ADH1C: variants seen among roughly 807,000 people sequenced by gnomAD.
ADH1C encodes the protein alcohol dehydrogenase 1C (class I), gamma polypeptide.
A neutral mutation model predicts 35.0 loss-of-function variants in ADH1C; 26 were observed. The observed-to-expected ratio is 0.74, with a 90% CI of 0.54 to 1.03. The LOEUF is 1.03. ADH1C is among the 50% of genes least tolerant of loss of function. The pLI is 0.00. For synonymous variants in ADH1C, 170 were observed against 169.3 expected, an observed-to-expected ratio of 1.00 and a Z score of -0.03; for missense variants, 413 against 465.4, an observed-to-expected ratio of 0.89 and a Z score of 1.04.
At chr4:99,350,616 C>T (rs1465712311) in intron 1 of ADH1C, among the ~76,000 whole-genome samples, 1 of 152,148 alleles carries the variant, frequency 6.6e-6, no homozygotes, top group Admixed American at 6.5e-5. Flanking sequence ...GTACATATAC[C>T]ACATTCTCTT....
rs574903402 is a variant in ADH1C at position 99,346,862 on chromosome 4, G to A, written c.259+144C>T. ...CATGCTTGAGTCAGGCAAGCAGAGA[G>A]GGAAGGAGGAAACCCCTGAAGTCCC... On this transcript the variant is annotated intron_variant, in intron 3 of 8. Coordinates refer to ENST00000515683, the MANE Select transcript of ADH1C (RefSeq NM_000669.5). The A allele has an allele frequency of 4.9e-5, 66 of 1,355,554 alleles. 3 individuals are homozygous for A. In the South Asian group the frequency reaches 9.2e-4, roughly 19 times the overall value. 84.0% of individuals were successfully genotyped at this position (1,355,554 alleles called of 1,614,324 possible).
At chr4:99,348,256 C>T (rs993935008) in intron 1 of ADH1C, among the ~76,000 whole-genome samples, 2 of 146,414 alleles carry the variant, frequency 1.4e-5, no homozygotes, top group African/African-American at 5.0e-5. Context: ...AGGTATATCT[C>T]CCAATGCTAT....
In ADH1C at chr4:99,341,702, CAGT is replaced by C. The variant is rs1302229626; in HGVS notation, c.829-995_829-993del. Among the ~76,000 whole-genome samples the C allele has an allele frequency of 2.0e-5, 3 of 152,182 alleles. No homozygotes were observed. In the East Asian group the frequency reaches 5.8e-4, roughly 29 times the overall value. ...ACTTTTTTGTTTCTGGAGACTTTTT[CAGT>C]AGGAGTCTAGATAATTCTGGATAGG... On this transcript the variant is annotated intron_variant, in intron 6 of 8. Coordinates refer to ENST00000515683, the MANE Select transcript of ADH1C (RefSeq NM_000669.5).
chr4:99,339,639 TA>T lies in ADH1C; in HGVS notation c.1040del (p.Ile347LysfsTer10). 6.2e-7 allele frequency: 1 copy of T among 1,612,036 alleles called. No homozygotes were observed. The highest frequency in any genetic ancestry group is 8.5e-7 in the Non-Finnish European group (1 of 1,178,876). ...TTTTTTCAAAAGGTAAAATATTTGT[TA>T]TTAATGCATCCAGTGAAAACTTCTT... ...MAKKFSLDAL[I>X]TNILPFEKIN... On this transcript the variant is annotated frameshift_variant, in exon 8 of 9. Transcript: ENST00000515683. LOFTEE classifies it high-confidence loss of function.
At chr4:99,351,378 C>T (rs917898389) in intron 1 of ADH1C, among the ~76,000 whole-genome samples, 38 of 151,950 alleles carry the variant, frequency 2.5e-4, no homozygotes, top group African/African-American at 8.5e-4. Context: ...AAATGCAGGA[C>T]GGGTAAACAT....
At chr4:99,339,772 G>T in intron 7 of ADH1C, 57 bp from the exon 8 acceptor site, 1 of 1,518,600 alleles carries the variant, frequency 6.6e-7, no homozygotes, top group South Asian at 1.2e-5. Flanking sequence ...GAGAATTGAA[G>T]AGAAGATTTT....
At chr4:99,349,061 C>T (rs1468193126) in intron 1 of ADH1C, among the ~76,000 whole-genome samples, 4 of 141,582 alleles carry the variant, frequency 2.8e-5, no homozygotes, top group Admixed American at 7.2e-5. Context: ...CGAAAATTTT[C>T]TCCCATTTTG....
chr4:99,339,518 C>T lies in ADH1C; in HGVS notation c.1103+59G>A, dbSNP rs1360432037. 15 of 1,074,116 alleles carry T rather than the reference C, an allele frequency of 1.4e-5. 1 individual carries two copies. The highest frequency in any genetic ancestry group is 3.3e-5 in the African/African-American group (2 of 60,296). The allele number at this position is 1,074,116 out of a possible 1,614,324, so 66.5% of individuals were successfully genotyped here. A position where few individuals can be genotyped will look rare whatever the true frequency, so the allele number is the denominator to read the frequency against. ...TCATTCTCTGCTAGACAACGCCCCC[C>T]CCCCCCCCGCCGCTACTGTAGAATA... On this transcript the variant is annotated intron_variant, in intron 8 of 8. Transcript: ENST00000515683.
At chr4:99,346,216 A>G (rs2110660100) in intron 3 of ADH1C, among the ~76,000 whole-genome samples, 1 of 152,330 alleles carries the variant, frequency 6.6e-6, no homozygotes, top group Middle Eastern at 3.4e-3. Context: ...TGATTGGTGC[A>G]TAACATTTTA....
Position 99,339,692 on chromosome 4 carries a change from G to T in ADH1C, c.988C>A (p.Pro330Thr). Residue 330 changes from proline (P) to threonine (T), a missense_variant, in exon 8 of 9, where the codon CCC becomes ACC. Transcript: ENST00000515683. ...GCCATAAAGTCAGCCACAAGTTTGG[G>T]GACAGATTCTTTACTCTTAAAGCCT... ...FGGFKSKESV[P>T]KLVADFMAKK... 6.2e-7 allele frequency: 1 copy of T among 1,610,940 alleles called. No homozygotes were observed. The highest frequency in any genetic ancestry group is 8.5e-7 in the Non-Finnish European group (1 of 1,178,772).
chr4:99,336,565 T>G lies in ADH1C; in HGVS notation c.*187A>C, dbSNP rs918884961. On this transcript the variant is annotated 3_prime_UTR_variant, in exon 9 of 9. Coordinates refer to ENST00000515683, the MANE Select transcript of ADH1C (RefSeq NM_000669.5). ...GTTCAACACTTTATTTAGTTCTCATTTGGATTTTAAACATTTGCTTGACAA... is the reference window on the plus strand; with the variant it reads ...GTTCAACACTTTATTTAGTTCTCATGTGGATTTTAAACATTTGCTTGACAA... 1.1e-5 allele frequency: 8 copies of G among 748,840 alleles called. No individual in the cohort carries two copies. The highest frequency in any genetic ancestry group is 1.8e-5 in the African/African-American group (1 of 56,140). The allele number at this position is 748,840 out of a possible 1,614,324, so 46.4% of individuals were successfully genotyped here.
chr4:99,351,719 C>T (rs1461693225), intron 1 of ADH1C, among the ~76,000 whole-genome samples: 33 of 152,158 alleles, frequency 2.2e-4, no homozygotes, highest in Non-Finnish European at 4.4e-5. Context: ...AGGTAAGCCT[C>T]AGAACCTTTA....
At chr4:99,349,267 C>G (rs947033655) in intron 1 of ADH1C, among the ~76,000 whole-genome samples, 9 of 149,276 alleles carry the variant, frequency 6.0e-5, no homozygotes, top group Non-Finnish European at 1.3e-4. Flanking sequence ...TTAGGTCTAA[C>G]GTTTAAGTCT....
intron 3 of ADH1C, 87 bp from the exon 4 acceptor site, chr4:99,345,353 A>G: frequency 7.6e-7 from 1 of 1,308,700 alleles, no homozygotes; most frequent in South Asian, 1.4e-5. Context: ...ATAGATTAGA[A>G]TTATGTGTCT....
intron 2 of ADH1C, among the ~76,000 whole-genome samples, chr4:99,347,362 C>T (rs1202494940): frequency 6.6e-6 from 1 of 152,118 alleles, no homozygotes; most frequent in Admixed American, 6.6e-5. Flanking sequence ...TTAGAATAAT[C>T]TGTGAGATAA....
intron 5 of ADH1C, among the ~76,000 whole-genome samples, chr4:99,344,110 A>C (rs967224334): frequency 3.3e-5 from 5 of 152,230 alleles, no homozygotes; most frequent in African/African-American, 1.2e-4. Context: ...AAGATATTTT[A>C]GTCTTAGTGC....
At chr4:99,338,717 T>C (rs1302450546) in intron 8 of ADH1C, among the ~76,000 whole-genome samples, 1 of 149,168 alleles carries the variant, frequency 6.7e-6, no homozygotes, top group African/African-American at 2.5e-5. Context: ...TCAAGAATAT[T>C]TGTCGGATAA....
chr4:99,344,819 C>T (rs1734490467), intron 5 of ADH1C, 43 bp downstream of exon 5: 3 of 1,611,408 alleles, frequency 1.9e-6, no homozygotes, highest in African/African-American at 1.3e-5. Context: ...TGGTTCCTGA[C>T]AGTCTGCGTG....
At position 99,336,641 on chromosome 4, in the gene ADH1C, A is replaced by G. The variant is rs1474045683; in HGVS notation, c.*111T>C. 10 of 1,354,848 alleles carry G rather than the reference A, an allele frequency of 7.4e-6. No homozygotes were observed. The highest frequency in any genetic ancestry group is 9.3e-6 in the Non-Finnish European group (9 of 965,246). 83.9% of individuals were successfully genotyped at this position (1,354,848 alleles called of 1,614,324 possible). A position where few individuals can be genotyped will look rare whatever the true frequency, so the allele number is the denominator to read the frequency against. On this transcript the variant is annotated 3_prime_UTR_variant, in exon 9 of 9. Transcript: ENST00000515683. ...TTTGGAAAGCTCCCACGTGTAATTTATTTTTAACATCTCTGAAGAGCAGAA... is the reference window on the plus strand; with the variant it reads ...TTTGGAAAGCTCCCACGTGTAATTTGTTTTTAACATCTCTGAAGAGCAGAA...
Sources: gnomAD v4.1 joint callset for allele counts (sites outside exome capture counted in the v4.1 genomes callset) on GRCh38, gnomAD v4.1.1 for gene constraint, MANE v1.5 for transcripts, NCBI Gene and HGNC (gene_info 2026-07-23, HGNC 2026-07-21) for gene names.